The following SLC9B1 variants were observed in gnomAD, a reference collection of about 807,000 sequenced individuals.
SLC9B1 encodes solute carrier family 9 member B1.
Under a neutral mutation model 51.7 loss-of-function variants are expected in SLC9B1, and 32 were observed. That is an observed-to-expected ratio of 0.62 (90% CI 0.47 to 0.83). The LOEUF (loss-of-function observed/expected upper bound fraction) is 0.83, where lower values mean the gene tolerates loss of function less well. SLC9B1 is among the 40% of genes least tolerant of loss of function. The pLI, the probability that SLC9B1 is intolerant of heterozygous loss-of-function variation, is 0.00. For missense variants in SLC9B1, 406 were observed against 613.2 expected (o/e 0.66, Z 3.57); for synonymous variants, 145 against 212.7 (o/e 0.68, Z 2.77).
intron 1 of SLC9B1, among the ~76,000 whole-genome samples, chr4:103,013,249 T>C (rs1270879260): frequency 6.6e-6 from 1 of 152,236 alleles, no homozygotes; most frequent in African/African-American, 2.4e-5. Context: ...GGTTGGAACA[T>C]CTTCCCACTG....
chr4:102,966,562 G>A (rs189210517), intron 3 of SLC9B1, among the ~76,000 whole-genome samples: 51 of 152,290 alleles, frequency 3.3e-4, no homozygotes, highest in Non-Finnish European at 5.9e-4. Context: ...TGGCTGCTGA[G>A]GGCTGTGCCA....
At chr4:102,943,135 A>T (rs564174044) in intron 6 of SLC9B1, among the ~76,000 whole-genome samples, 1 of 148,332 alleles carries the variant, frequency 6.7e-6, no homozygotes, top group African/African-American at 2.6e-5. Context: ...ATACCATCTC[A>T]CTCCTCCAAG....
At chr4:102,898,987 C>T (rs1190807918), downstream of SLC9B1, among the ~76,000 whole-genome samples, 8 of 151,952 alleles carry the variant, frequency 5.3e-5, no homozygotes, top group East Asian at 1.4e-3. Flanking sequence ...ATGATCCACC[C>T]GCCTTGGCCT....
At chr4:102,948,130 A>G (rs1197456765) in intron 4 of SLC9B1, among the ~76,000 whole-genome samples, 1 of 152,178 alleles carries the variant, frequency 6.6e-6, no homozygotes, top group South Asian at 2.1e-4. Context: ...ATGCATTTGT[A>G]TGGTTACCAT....
At position 102,968,759 on chromosome 4, in the gene SLC9B1, G is replaced by T. The variant is rs954899519; in HGVS notation, c.212-19332C>A. Among the ~76,000 whole-genome samples the T allele has an allele frequency of 2.0e-5, 3 of 152,332 alleles. No homozygotes were observed. In the South Asian group the frequency reaches 6.2e-4, roughly 32 times the overall value. The stretch of plus-strand genomic sequence containing the variant: ...CATCCGGGAAGCAGCACAAGGGGTC[G>T]GGGGATTTCCCTTTCTTAGCCAAGG... On this transcript the variant is annotated intron_variant, in intron 3 of 11. Coordinates refer to ENST00000296422, the MANE Select transcript of SLC9B1 (RefSeq NM_139173.4).
intron 6 of SLC9B1, among the ~76,000 whole-genome samples, chr4:102,935,903 G>A (rs1466284884): frequency 4.6e-5 from 7 of 152,130 alleles, no homozygotes; most frequent in Admixed American, 4.6e-4. Context: ...TCCCACACCT[G>A]CCGGCACTGC....
chr4:102,955,451 A>C (rs1460734641), intron 3 of SLC9B1, among the ~76,000 whole-genome samples: 1 of 152,158 alleles, frequency 6.6e-6, no homozygotes, highest in African/African-American at 2.4e-5. Context: ...CTCAGCTGGG[A>C]AAAACAGTAG....
At chr4:102,914,382 G>A (rs1735486218) in intron 7 of SLC9B1, among the ~76,000 whole-genome samples, 1 of 152,046 alleles carries the variant, frequency 6.6e-6, no homozygotes, top group Non-Finnish European at 1.5e-5. Context: ...TAATGCTATA[G>A]CTAATTTGTT....
chr4:102,970,854 C>T (rs1738719372), intron 3 of SLC9B1, among the ~76,000 whole-genome samples: 1 of 152,096 alleles, frequency 6.6e-6, no homozygotes, highest in African/African-American at 2.4e-5. Context: ...TCTGATAAAG[C>T]AGACTTTAAA....
chr4:103,005,632 A>T (rs943433336), intron 1 of SLC9B1, among the ~76,000 whole-genome samples: 2 of 152,136 alleles, frequency 1.3e-5, no homozygotes, highest in Non-Finnish European at 2.9e-5. Context: ...ACAACTTGCC[A>T]CCCCAAAACA....
At chr4:102,916,825 GT>G (rs1257599979) in intron 7 of SLC9B1, among the ~76,000 whole-genome samples, 1 of 152,212 alleles carries the variant, frequency 6.6e-6, no homozygotes, top group Non-Finnish European at 1.5e-5. Flanking sequence ...AATATACTCT[GT>G]TAACCAATTG....
chr4:102,971,105 C>T (rs578186961), intron 3 of SLC9B1, among the ~76,000 whole-genome samples: 15 of 152,264 alleles, frequency 9.9e-5, no homozygotes, highest in African/African-American at 3.6e-4. Context: ...CAAGGATTTC[C>T]AGGACTTGAA....
At chr4:103,017,607 C>T (rs979664984) in intron 1 of SLC9B1, among the ~76,000 whole-genome samples, 4 of 152,126 alleles carry the variant, frequency 2.6e-5, no homozygotes, top group Admixed American at 6.5e-5. Flanking sequence ...ACCTGTAGTG[C>T]GCTGATCCCA....
At chr4:103,005,042 A>G (rs942226083) in intron 1 of SLC9B1, among the ~76,000 whole-genome samples, 3 of 152,160 alleles carry the variant, frequency 2.0e-5, no homozygotes, top group African/African-American at 7.2e-5. Flanking sequence ...AATCTTCATA[A>G]TAAACAGCTA....
At chr4:102,921,858 T>C (rs559393359) in intron 7 of SLC9B1, among the ~76,000 whole-genome samples, 1 of 152,270 alleles carries the variant, frequency 6.6e-6, no homozygotes, top group African/African-American at 2.4e-5. Flanking sequence ...CAAGAAGAGC[T>C]AACTATCCTA....
At position 102,910,331 on chromosome 4, in the gene SLC9B1, A is replaced by G. The variant is rs1735278379; in HGVS notation, c.1086+108T>C. 7.2e-6 allele frequency: 7 copies of G among 969,100 alleles called. No homozygotes were observed. The East Asian group carries it at 2.0e-4, about 28-fold the overall frequency. The allele number at this position is 969,100 out of a possible 1,614,324, so 60.0% of individuals were successfully genotyped here. A position where few individuals can be genotyped will look rare whatever the true frequency, so the allele number is the denominator to read the frequency against. ...TTGATTCATACACTTTCTTGAGGAC[A>G]GAAAACCTTTTGGAACATTTTCCAA... is the stretch of plus-strand genomic sequence containing the variant. On this transcript the variant is annotated intron_variant, in intron 9 of 11. Transcript: ENST00000296422.
chr4:102,885,516 A>C, intron 11 of SLC9B1: 1 of 1,019,738 alleles, frequency 9.8e-7, no homozygotes. Flanking sequence ...AAGTTCTTTA[A>C]GATGAGAGAA....
intron 3 of SLC9B1, among the ~76,000 whole-genome samples, chr4:102,971,689 T>G (rs1465663213): frequency 9.9e-5 from 15 of 152,042 alleles, no homozygotes; most frequent in African/African-American, 3.6e-4. Flanking sequence ...AAAAAATCAA[T>G]GCATCCAGGA....
At chr4:102,977,389 G>T (rs115061275) in intron 3 of SLC9B1, among the ~76,000 whole-genome samples, 5 of 151,780 alleles carry the variant, frequency 3.3e-5, no homozygotes, top group Non-Finnish European at 5.9e-5. Context: ...TGACTACACT[G>T]GTGTAAGTGA....
Sources: gnomAD v4.1 joint callset for allele counts (sites outside exome capture counted in the v4.1 genomes callset) on GRCh38, gnomAD v4.1.1 for gene constraint, MANE v1.5 for transcripts, NCBI Gene and HGNC (gene_info 2026-07-23, HGNC 2026-07-21) for gene names.